KAZN: variants seen among roughly 807,000 people sequenced by gnomAD.
KAZN encodes the protein kazrin, periplakin interacting protein.
A neutral mutation model predicts 87.4 loss-of-function variants in KAZN; 40 were observed. The ratio of observed to expected loss-of-function variants is 0.46; its 90% CI spans 0.36 to 0.60. The LOEUF is 0.60. Ranked by LOEUF, KAZN falls within the 20% of genes least tolerant of loss-of-function variation. The pLI, the probability that KAZN is intolerant of heterozygous loss-of-function variation, is 0.00. For missense variants in KAZN, 898 were observed against 1,073.9 expected, an observed-to-expected ratio of 0.84 and a Z score of 2.29; for synonymous variants, 466 against 458.3, an observed-to-expected ratio of 1.02 and a Z score of -0.22.
chr1:13,921,634 T>G (rs1640070966), intron 1 of KAZN, among the ~76,000 whole-genome samples: 1 of 148,378 alleles, frequency 6.7e-6, no homozygotes, highest in Non-Finnish European at 1.5e-5. Flanking sequence ...TTGTTTGCAT[T>G]TTTTTTTTTG....
intron 1 of KAZN, among the ~76,000 whole-genome samples, chr1:14,901,350 G>A (rs910737489): frequency 4.6e-5 from 7 of 152,284 alleles, no homozygotes; most frequent in African/African-American, 1.7e-4. Flanking sequence ...GAGTGAAATC[G>A]AAAATAAGAA....
chr1:14,119,993 C>A (rs1644716029), intron 1 of KAZN, among the ~76,000 whole-genome samples: 1 of 152,136 alleles, frequency 6.6e-6, no homozygotes, highest in Non-Finnish European at 1.5e-5. Context: ...GGGGTAAGTA[C>A]CTTGTTCACA....
intron 1 of KAZN, among the ~76,000 whole-genome samples, chr1:14,906,054 C>T (rs1656519746): frequency 6.6e-6 from 1 of 151,632 alleles, no homozygotes; most frequent in Admixed American, 6.6e-5. Context: ...GTAATCCCAG[C>T]TACTCGGGAA....
chr1:14,356,140 T>C lies in KAZN; in HGVS notation c.249+175548T>C, dbSNP rs575202304. Among the ~76,000 whole-genome samples the C allele has an allele frequency of 3.3e-3, 503 of 152,368 alleles. 2 individuals are homozygous for C. Among genetic ancestry groups the C allele is most frequent in the African/African-American group, 0.011 (474 of 41,590 alleles). ...TGCCATTCTAGCTGGTGTGAGATGG[T>C]ATCTCACTGTGGTTTTGTTTGCATT... On this transcript the variant is annotated intron_variant, in intron 2 of 16. Coordinates refer to the KAZN transcript ENST00000636203.
chr1:14,789,760 C>CAAAAAAAAAAAAA (rs3032757), intron 1 of KAZN, among the ~76,000 whole-genome samples: 3 of 46,252 alleles, frequency 6.5e-5, no homozygotes, highest in African/African-American at 1.7e-4. Context: ...TCCTCATTAC[C>CAAAAAAAAAAAAA]AAAAAAAAAA....
At chr1:14,880,959 C>T (rs748377215) in intron 1 of KAZN, among the ~76,000 whole-genome samples, 1 of 152,114 alleles carries the variant, frequency 6.6e-6, no homozygotes, top group Non-Finnish European at 1.5e-5. Context: ...AACTCTTTGC[C>T]GGTGAATAGC....
chr1:14,052,537 G>GA lies in KAZN; in HGVS notation c.92-127885dup, dbSNP rs58382432. 5.2e-3 allele frequency among the ~76,000 whole-genome samples: 741 copies of GA among 141,576 alleles called. 1 individual carries two copies. Among genetic ancestry groups the GA allele is most frequent in the African/African-American group, 7.3e-3 (287 of 39,050 alleles). 92.9% of individuals were successfully genotyped at this position (141,576 alleles called of 152,430 possible). A position where few individuals can be genotyped will look rare whatever the true frequency, so the allele number is the denominator to read the frequency against. On this transcript the variant is annotated intron_variant, in intron 1 of 16. Transcript: ENST00000636203. ...TAAAAGAAGGACAGGGTGTGGGGTG[G>GA]AAAAAAAAAAAAACAAGAGAAATTG...
At position 14,637,313 on chromosome 1, in the gene KAZN, C is replaced by T. The variant is rs151206597; in HGVS notation, c.226+38090C>T. 2.2e-4 allele frequency among the ~76,000 whole-genome samples: 34 copies of T among 152,242 alleles called. No homozygotes were observed. The East Asian group carries it at 3.9e-3, about 17-fold the overall frequency. On this transcript the variant is annotated intron_variant, in intron 1 of 14. Transcript: ENST00000376030. ...ACTTTACTGAGAGCCTTCTAGATGC[C>T]GGGCACTGAGCTGAGTTCTTTGCTT...
chr1:14,359,321 A>G (rs1246401527), intron 2 of KAZN, among the ~76,000 whole-genome samples: 1 of 149,512 alleles, frequency 6.7e-6, no homozygotes, highest in African/African-American at 2.5e-5. Flanking sequence ...TTTTGAGCCT[A>G]TGTGTGTCTT....
chr1:14,948,027 C>T (rs569540352), intron 1 of KAZN, among the ~76,000 whole-genome samples: 13 of 152,334 alleles, frequency 8.5e-5, no homozygotes, highest in African/African-American at 3.1e-4. Context: ...GATAAGTGCT[C>T]ACTGCTTGGA....
chr1:14,250,290 G>A (rs983462523), intron 2 of KAZN, among the ~76,000 whole-genome samples: 2 of 151,762 alleles, frequency 1.3e-5, no homozygotes, highest in Non-Finnish European at 2.9e-5. Flanking sequence ...ACAATATAAA[G>A]CCCCCAAGCT....
chr1:13,958,990 T>G (rs560297723), intron 1 of KAZN, among the ~76,000 whole-genome samples: 1 of 152,292 alleles, frequency 6.6e-6, no homozygotes, highest in East Asian at 1.9e-4. Flanking sequence ...GCATCTGCCC[T>G]GTTGATCATG....
chr1:14,000,194 T>C lies in KAZN; in HGVS notation c.91+106438T>C, dbSNP rs1230091585. On this transcript the variant is annotated intron_variant, in intron 1 of 16. Coordinates refer to the KAZN transcript ENST00000636203. Reference sequence around the variant, plus strand: ...AAAGCAGAGACTCCTCCTGAACTGATTTTATGACACCAGCATCATCCTGAT... The same window carrying C: ...AAAGCAGAGACTCCTCCTGAACTGACTTTATGACACCAGCATCATCCTGAT... Among the ~76,000 whole-genome samples the C allele has an allele frequency of 3.0e-4, 45 of 152,208 alleles. 1 individual carries two copies. The highest frequency in any genetic ancestry group is 2.9e-3 in the Admixed American group (45 of 15,280).
chr1:14,152,093 A>G (rs1047463889), intron 1 of KAZN, among the ~76,000 whole-genome samples: 1 of 152,182 alleles, frequency 6.6e-6, no homozygotes, highest in Non-Finnish European at 1.5e-5. Flanking sequence ...AGATATTTTG[A>G]TACAGGCATG....
chr1:14,581,395 A>T (rs1238890486), intron 2 of KAZN, among the ~76,000 whole-genome samples: 2 of 152,004 alleles, frequency 1.3e-5, no homozygotes, highest in South Asian at 4.1e-4. Context: ...TCTAGAATCC[A>T]TTCACCTTTC....
chr1:14,083,331 A>T (rs1308424597), intron 1 of KAZN, among the ~76,000 whole-genome samples: 1 of 152,252 alleles, frequency 6.6e-6, no homozygotes, highest in African/African-American at 2.4e-5. Flanking sequence ...TAGAAAATAA[A>T]TGTGGAAATC....
chr1:14,751,491 C>T (rs1379048975), intron 1 of KAZN, among the ~76,000 whole-genome samples: 3 of 152,226 alleles, frequency 2.0e-5, no homozygotes, highest in East Asian at 3.9e-4. Context: ...AGCCTCATAA[C>T]ACCCTGACAA....
chr1:13,948,200 G>C (rs969877262), intron 1 of KAZN, among the ~76,000 whole-genome samples: 5 of 152,134 alleles, frequency 3.3e-5, no homozygotes, highest in African/African-American at 9.7e-5. Flanking sequence ...GAAACGTCAG[G>C]CTGCTGAACC....
chr1:14,819,612 G>A (rs973792945), intron 1 of KAZN, among the ~76,000 whole-genome samples: 3 of 151,792 alleles, frequency 2.0e-5, no homozygotes, highest in East Asian at 3.9e-4. Flanking sequence ...CCGAGACTGC[G>A]GCTCCAAATC....
Sources: gnomAD v4.1 joint callset for allele counts (sites outside exome capture counted in the v4.1 genomes callset) on GRCh38, gnomAD v4.1.1 for gene constraint, MANE v1.5 for transcripts, NCBI Gene and HGNC (gene_info 2026-07-23, HGNC 2026-07-21) for gene names.